CD2AP: variants seen among roughly 807,000 people sequenced by gnomAD.
CD2AP encodes CD2-associated protein.
Under a neutral mutation model 85.1 loss-of-function variants are expected in CD2AP, and 46 were observed. That is an observed-to-expected ratio of 0.54 (90% CI 0.43 to 0.69). CD2AP has a LOEUF of 0.69. CD2AP is among the 30% of genes least tolerant of loss of function. CD2AP has a pLI of 0.00. For synonymous variants in CD2AP, 255 were observed against 252.9 expected, an observed-to-expected ratio of 1.01 and a Z score of -0.08; for missense variants, 769 against 729.5, an observed-to-expected ratio of 1.05 and a Z score of -0.62.
At chr6:47,481,491 G>T (rs1260585793) in intron 1 of CD2AP, among the ~76,000 whole-genome samples, 2 of 152,062 alleles carry the variant, frequency 1.3e-5, no homozygotes, top group East Asian at 3.9e-4. Flanking sequence ...GATTACAGGT[G>T]TGTGCCACCA....
At chr6:47,606,049 C>G (rs570869462) in intron 13 of CD2AP, 116 bp from the exon 14 acceptor site, 28 of 641,232 alleles carry the variant, frequency 4.4e-5, no homozygotes, top group Non-Finnish European at 6.9e-5. Flanking sequence ...TTTGTGAGTT[C>G]TTCAAAGTAG....
At chr6:47,543,722 C>T (rs1366427293) in intron 3 of CD2AP, among the ~76,000 whole-genome samples, 2 of 152,134 alleles carry the variant, frequency 1.3e-5, no homozygotes. Context: ...CTCATTTAAC[C>T]CTATTTACCA....
intron 11 of CD2AP, among the ~76,000 whole-genome samples, chr6:47,587,376 AT>A (rs1474461040): frequency 6.6e-6 from 1 of 152,168 alleles, no homozygotes; most frequent in East Asian, 1.9e-4. Flanking sequence ...CTCTTAAGTG[AT>A]TCCCCGTTAT....
chr6:47,499,899 T>C (rs1765957487), intron 1 of CD2AP, among the ~76,000 whole-genome samples: 1 of 152,152 alleles, frequency 6.6e-6, no homozygotes, highest in African/African-American at 2.4e-5. Flanking sequence ...CGGCTAATTT[T>C]TGTATTTTTA....
intron 1 of CD2AP, among the ~76,000 whole-genome samples, chr6:47,485,487 C>G (rs953129397): frequency 1.3e-5 from 2 of 151,596 alleles, no homozygotes; most frequent in Non-Finnish European, 2.9e-5. Flanking sequence ...GTGTTGTAAA[C>G]TAAATGTTAT....
At chr6:47,582,795 G>GTTT (rs146539285) in intron 11 of CD2AP, among the ~76,000 whole-genome samples, 1 of 91,410 alleles carries the variant, frequency 1.1e-5, no homozygotes, top group African/African-American at 4.5e-5. Context: ...TTTTTGTTTT[G>GTTT]TTTTTTTTTT....
At chr6:47,502,438 G>A (rs1259038142) in intron 1 of CD2AP, among the ~76,000 whole-genome samples, 7 of 150,574 alleles carry the variant, frequency 4.6e-5, no homozygotes, top group Admixed American at 4.6e-4. Flanking sequence ...TGGTTTTTGC[G>A]TTTTTGTAGA....
At chr6:47,566,701 G>A (rs1768012678) in intron 5 of CD2AP, among the ~76,000 whole-genome samples, 1 of 152,132 alleles carries the variant, frequency 6.6e-6, no homozygotes, top group African/African-American at 2.4e-5. Context: ...ACTAATGAGT[G>A]AGAACATGCA....
At chr6:47,586,137 A>T (rs911730342) in intron 11 of CD2AP, among the ~76,000 whole-genome samples, 1 of 152,206 alleles carries the variant, frequency 6.6e-6, no homozygotes, top group East Asian at 1.9e-4. Flanking sequence ...AGGCAAGTAC[A>T]TTAAAACAGC....
chr6:47,534,358 A>G (rs1766969640), intron 3 of CD2AP, among the ~76,000 whole-genome samples: 1 of 152,198 alleles, frequency 6.6e-6, no homozygotes, highest in Non-Finnish European at 1.5e-5. Flanking sequence ...AAAACAAAAC[A>G]AAAAACACCA....
At chr6:47,503,489 C>CT in intron 2 of CD2AP, 49 bp downstream of exon 2, 1 of 1,443,676 alleles carries the variant, frequency 6.9e-7, no homozygotes, top group East Asian at 2.3e-5. Context: ...AGGATTTAAT[C>CT]TTTAAATGTT....
chr6:47,577,835 C>A (rs1309091818), intron 8 of CD2AP, among the ~76,000 whole-genome samples: 1 of 152,026 alleles, frequency 6.6e-6, no homozygotes, highest in Non-Finnish European at 1.5e-5. Context: ...GCTTTGGCCT[C>A]CCAAAGTGCC....
chr6:47,561,811 C>T (rs147074347), intron 5 of CD2AP, among the ~76,000 whole-genome samples: 2,387 of 152,206 alleles, frequency 0.016, 45 homozygotes, highest in African/African-American at 0.039. Context: ...GACGGAGTCT[C>T]GCTCTGTCAC....
chr6:47,581,514 T>C (rs1265407852), intron 10 of CD2AP, among the ~76,000 whole-genome samples: 1 of 152,190 alleles, frequency 6.6e-6, no homozygotes, highest in African/African-American at 2.4e-5. Flanking sequence ...GACCTAATCC[T>C]AGAGCAAAGA....
At chr6:47,583,092 T>A (rs1021643495) in intron 11 of CD2AP, among the ~76,000 whole-genome samples, 8 of 152,262 alleles carry the variant, frequency 5.3e-5, no homozygotes, top group Middle Eastern at 3.4e-3. Context: ...CCAGTATCAT[T>A]TTTTTAAGGA....
chr6:47,575,093 C>T lies in CD2AP; in HGVS notation c.729+842C>T, dbSNP rs368915793. Among the ~76,000 whole-genome samples the T allele has an allele frequency of 6.6e-5, 10 of 152,244 alleles. No homozygotes were observed. The East Asian group carries it at 1.9e-3, about 29-fold the overall frequency. ...ACTTGCTACGTATTTTCTTATGTAG[C>T]AGTGAAGAGTTGGGTTCAGGAAAGA... is the stretch of plus-strand genomic sequence containing the variant. On this transcript the variant is annotated intron_variant, in intron 6 of 17. Transcript: ENST00000359314.
In CD2AP at chr6:47,520,620, C is replaced by T. The variant is rs561757770; in HGVS notation, c.166-12982C>T. ...GCCTCTGGTGGGTGGTGGTTGGGGG[C>T]GAAAGTGGGGTCTATGGTGGTGATT... On this transcript the variant is annotated intron_variant, in intron 2 of 17. Transcript: ENST00000359314. Among the ~76,000 whole-genome samples the T allele has an allele frequency of 7.9e-5, 12 of 151,052 alleles. No homozygotes were observed. The South Asian group carries it at 1.1e-3, about 13-fold the overall frequency.
chr6:47,534,005 G>A (rs1349257315), intron 3 of CD2AP, among the ~76,000 whole-genome samples: 1 of 152,152 alleles, frequency 6.6e-6, no homozygotes, highest in Non-Finnish European at 1.5e-5. Flanking sequence ...TTCAGACTCT[G>A]CTGAATGATT....
At position 47,544,587 on chromosome 6, in the gene CD2AP, A is replaced by C; in HGVS notation, c.320-19A>C. The C allele has an allele frequency of 6.9e-7, 1 of 1,447,656 alleles. No individual in the cohort carries two copies. The allele number at this position is 1,447,656 out of a possible 1,614,324, so 89.7% of individuals were successfully genotyped here. A position where few individuals can be genotyped will look rare whatever the true frequency, so the allele number is the denominator to read the frequency against. On this transcript the variant is annotated intron_variant, in intron 3 of 17. Coordinates refer to ENST00000359314, the MANE Select transcript of CD2AP (RefSeq NM_012120.3). ...ATGATCATTCTTAATCTAATTTCTT[A>C]TTATGTTACTTTCTTTAGAGACCAA... is the stretch of plus-strand genomic sequence containing the variant.
Sources: allele counts gnomAD v4.1 joint callset (sites outside exome capture counted in the v4.1 genomes callset), GRCh38; gene constraint gnomAD v4.1.1; transcripts MANE v1.5; gene names NCBI Gene and HGNC (gene_info 2026-07-23, HGNC 2026-07-21).